The following CMYA5 variants were observed in gnomAD, a reference collection of about 807,000 sequenced individuals.
CMYA5 encodes cardiomyopathy-associated protein 5.
CMYA5 carries 246 observed loss-of-function variants against 318.9 expected under a neutral mutation model. The observed-to-expected ratio is 0.77, with a 90% CI of 0.70 to 0.86. The LOEUF (loss-of-function observed/expected upper bound fraction) is 0.86, where lower values mean the gene tolerates loss of function less well. CMYA5 is among the 40% of genes least tolerant of loss of function. The pLI, the probability that CMYA5 is intolerant of heterozygous loss-of-function variation, is 0.00. For synonymous variants in CMYA5, 1,641 were observed against 1,729.5 expected (o/e 0.95, Z 1.27); for missense variants, 4,589 against 4,678.2 (o/e 0.98, Z 0.56).
At chr5:79,700,464 C>T (rs1185974597) in intron 1 of CMYA5, among the ~76,000 whole-genome samples, 1 of 152,196 alleles carries the variant, frequency 6.6e-6, no homozygotes, top group Non-Finnish European at 1.5e-5. Context: ...AACAGCCCCT[C>T]AAACCATGCC....
At chr5:79,741,053 T>A (rs1828198912) in intron 2 of CMYA5, among the ~76,000 whole-genome samples, 1 of 152,144 alleles carries the variant, frequency 6.6e-6, no homozygotes, top group Non-Finnish European at 1.5e-5. Context: ...TTTTATAATT[T>A]TTTTTGTACA....
Position 79,730,849 on chromosome 5 carries a change from C to T in CMYA5, c.2084C>T (p.Thr695Ile), listed in dbSNP as rs1455474122. The T allele has an allele frequency of 1.2e-6, 2 of 1,613,954 alleles. No homozygotes were observed. Among genetic ancestry groups the T allele is most frequent in the South Asian group, 2.2e-5 (2 of 91,068 alleles). Reference sequence around the variant, plus strand: ...AGTGGGTGTTACACACCAGACTCCACATCTGCTTCTGAATATTCAGTTCCA... The same window carrying T: ...AGTGGGTGTTACACACCAGACTCCATATCTGCTTCTGAATATTCAGTTCCA... ...SESGCYTPDSTSASEYSVPSL... is the reference protein window; with the variant it reads ...SESGCYTPDSISASEYSVPSL... The change falls in exon 2 of 13, where the codon ACA becomes ATA. Residue 695 changes from threonine to isoleucine, a missense_variant. Physicochemically the swap from Thr to Ile is moderately conservative, Grantham distance 89. Around this residue, in one of 3 missense-constraint regions of CMYA5, gnomAD observed 2,132 missense variants for 2,131.3 expected, o/e 1.00. Transcript: ENST00000446378.
At chr5:79,705,503 T>A (rs1827253591) in intron 1 of CMYA5, among the ~76,000 whole-genome samples, 1 of 151,826 alleles carries the variant, frequency 6.6e-6, no homozygotes, top group Non-Finnish European at 1.5e-5. Context: ...TAGTCCTTAA[T>A]CACCACAACA....
intron 3 of CMYA5, 44 bp from the exon 4 acceptor site, chr5:79,745,178 C>A: frequency 2.2e-5 from 26 of 1,180,016 alleles, no homozygotes; most frequent in Non-Finnish European, 2.8e-5. Flanking sequence ...AGCAGCATTT[C>A]TTGTTTCATT....
chr5:79,776,160 A>G (rs1473711454), intron 9 of CMYA5, among the ~76,000 whole-genome samples: 1 of 152,110 alleles, frequency 6.6e-6, no homozygotes, highest in Non-Finnish European at 1.5e-5. Context: ...AGGTGGGAGA[A>G]TCACTTGAGG....
rs774204140 is a variant in CMYA5, at chr5:79,733,835, A to G, written c.5070A>G (p.Ala1690=). The G allele has an allele frequency of 1.4e-5, 23 of 1,613,580 alleles. No individual in the cohort carries two copies. Among genetic ancestry groups the G allele is most frequent in the East Asian group, 1.3e-4 (6 of 44,890 alleles). The change falls in exon 2 of 13, where the codon GCA becomes GCG. Residue 1690 remains alanine (A), a synonymous_variant. Transcript: ENST00000446378. ...EGKEENRELC[A]SSTMPAISEL... is the part of the protein sequence containing the mutation. The stretch of plus-strand genomic sequence containing the variant: ...AAGAAGAAAATAGAGAGCTTTGTGC[A>G]TCTTCTACGATGCCTGCAATTTCAG...
rs568669316 is a variant in CMYA5 at position 79,752,537 on chromosome 5, C to A, written c.10992-139C>A. 33 of 536,628 alleles carry A rather than the reference C, an allele frequency of 6.1e-5. No individual in the cohort carries two copies. In the South Asian group the frequency reaches 9.6e-4, roughly 16 times the overall value. The allele number at this position is 536,628 out of a possible 1,614,324, so 33.2% of individuals were successfully genotyped here. A position where few individuals can be genotyped will look rare whatever the true frequency, so the allele number is the denominator to read the frequency against. On this transcript the variant is annotated intron_variant, in intron 5 of 12. Coordinates refer to ENST00000446378, the MANE Select transcript of CMYA5 (RefSeq NM_153610.5). Reference sequence around the variant, plus strand: ...ATTTCAAGACTTTAAAGCTTTAAATCCTTTTTTGGATAGAGTGAGAGGCCC... The same window carrying A: ...ATTTCAAGACTTTAAAGCTTTAAATACTTTTTTGGATAGAGTGAGAGGCCC...
rs1827872285 is a variant in CMYA5 at position 79,730,696 on chromosome 5, C to A, written c.1931C>A (p.Ala644Asp). 6.2e-7 allele frequency: 1 copy of A among 1,613,950 alleles called. No homozygotes were observed. The highest frequency in any genetic ancestry group is 1.7e-4 in the Middle Eastern group (1 of 6,060). The change falls in exon 2 of 13, where the codon GCT becomes GAT. Residue 644 changes from alanine (A) to aspartate (D), a missense_variant. Coordinates refer to ENST00000446378, the MANE Select transcript of CMYA5 (RefSeq NM_153610.5). ...ENEEFEAYSP[A>D]AAPTSESSLS... is the part of the protein sequence containing the mutation. Reference sequence around the variant, plus strand: ...GAGGAATTTGAGGCTTATTCCCCAGCTGCAGCCCCTACATCTGAGAGCTCT... The same window carrying A: ...GAGGAATTTGAGGCTTATTCCCCAGATGCAGCCCCTACATCTGAGAGCTCT...
intron 1 of CMYA5, among the ~76,000 whole-genome samples, chr5:79,710,545 G>T (rs1307344233): frequency 6.6e-6 from 1 of 152,138 alleles, no homozygotes; most frequent in African/African-American, 2.4e-5. Flanking sequence ...TTGTGTAAAA[G>T]AGGCACATCT....
chr5:79,723,630 G>T (rs1231601841), intron 1 of CMYA5, among the ~76,000 whole-genome samples: 1 of 151,622 alleles, frequency 6.6e-6, no homozygotes, highest in East Asian at 1.9e-4. Flanking sequence ...AGTGTGATGG[G>T]GCACACCTAT....
At chr5:79,690,589 C>A (rs999891071) in intron 1 of CMYA5, among the ~76,000 whole-genome samples, 1 of 152,100 alleles carries the variant, frequency 6.6e-6, no homozygotes, top group South Asian at 2.1e-4. Context: ...AGTCCTGGTC[C>A]CAAATCCCAA....
chr5:79,702,427 C>G (rs1161487315), intron 1 of CMYA5, among the ~76,000 whole-genome samples: 1 of 152,028 alleles, frequency 6.6e-6, no homozygotes, highest in Non-Finnish European at 1.5e-5. Context: ...ATTATTTGGC[C>G]ATAAAAAGGA....
Position 79,797,330 on chromosome 5 carries a change from C to T in CMYA5, c.11964-2040C>T, listed in dbSNP as rs531987832. On this transcript the variant is annotated intron_variant, in intron 12 of 12. Transcript: ENST00000446378. ...GACTCTTCTACTAATTGGGAACTCT[C>T]AAAATACTATTATAAAAAATAAAGA... Among the ~76,000 whole-genome samples the T allele has an allele frequency of 8.6e-4, 131 of 152,186 alleles. 2 individuals carry two copies. Among genetic ancestry groups the T allele is most frequent in the African/African-American group, 3.0e-3 (126 of 41,506 alleles).
intron 1 of CMYA5, among the ~76,000 whole-genome samples, chr5:79,708,530 C>T (rs1182073320): frequency 2.6e-5 from 4 of 151,228 alleles, no homozygotes; most frequent in African/African-American, 7.3e-5. Flanking sequence ...GAGGCTGAGG[C>T]GGGACAATGG....
rs542975820 is a variant in CMYA5 at position 79,713,250 on chromosome 5, A to G, written c.150-15665A>G. Reference sequence around the variant, plus strand: ...CTGGTGGATGGGGGCCAGGGAGGCCACTAAACATTCTCAGCACACAGGACA... The same window carrying G: ...CTGGTGGATGGGGGCCAGGGAGGCCGCTAAACATTCTCAGCACACAGGACA... On this transcript the variant is annotated intron_variant, in intron 1 of 12. Coordinates refer to ENST00000446378, the MANE Select transcript of CMYA5 (RefSeq NM_153610.5). Among the ~76,000 whole-genome samples the G allele has an allele frequency of 1.5e-3, 223 of 152,164 alleles. 2 individuals are homozygous for G. The highest frequency in any genetic ancestry group is 5.2e-3 in the African/African-American group (214 of 41,488).
chr5:79,791,182 G>A, intron 11 of CMYA5, 113 bp downstream of exon 11: 1 of 679,762 alleles, frequency 1.5e-6, no homozygotes, highest in Non-Finnish European at 2.6e-6. Flanking sequence ...GAACATGTCG[G>A]GATGTGGTCT....
At chr5:79,716,075 C>T (rs1827509644) in intron 1 of CMYA5, among the ~76,000 whole-genome samples, 1 of 152,156 alleles carries the variant, frequency 6.6e-6, no homozygotes, top group Non-Finnish European at 1.5e-5. Flanking sequence ...CTCACAAGCA[C>T]GTAGATTATC....
At chr5:79,696,809 C>T (rs1354594978) in intron 1 of CMYA5, among the ~76,000 whole-genome samples, 1 of 152,066 alleles carries the variant, frequency 6.6e-6, no homozygotes, top group Non-Finnish European at 1.5e-5. Flanking sequence ...AGTTCGAGAC[C>T]AGCCTGGCCA....
chr5:79,778,821 G>GTGTGTGTGTGTA (rs1828995170), intron 9 of CMYA5, among the ~76,000 whole-genome samples: 23 of 114,468 alleles, frequency 2.0e-4, no homozygotes, highest in Admixed American at 4.5e-4. Flanking sequence ...CTGTGTGTGT[G>GTGTGTGTGTGTA]TGTGTGTGTG....
Sources: gnomAD v4.1 joint callset for allele counts (sites outside exome capture counted in the v4.1 genomes callset) on GRCh38, gnomAD v4.1.1 for gene constraint, gnomAD v4.1.1 regional missense constraint, MANE v1.5 for transcripts, NCBI Gene and HGNC (gene_info 2026-07-23, HGNC 2026-07-21) for gene names.